Variants in MTOR observed in about 807,000 individuals in gnomAD.
MTOR encodes mechanistic target of rapamycin kinase.
In MTOR, 70 loss-of-function variants were observed where a neutral mutation model predicts 319.8. That is an observed-to-expected ratio of 0.22 (90% CI 0.18 to 0.27). The LOEUF (loss-of-function observed/expected upper bound fraction) is 0.27, where lower values mean the gene tolerates loss of function less well. Ranked by LOEUF, MTOR falls within the 10% of genes least tolerant of loss-of-function variation. The probability of loss-of-function intolerance (pLI) is 1.00; values close to 1 mark genes in which losing one functional copy is unlikely to be tolerated. For synonymous variants in MTOR, 1,183 were observed against 1,211.4 expected (o/e 0.98, Z 0.49); for missense variants, 1,890 against 3,274.4 (o/e 0.58, Z 10.32).
intron 47 of MTOR, among the ~76,000 whole-genome samples, chr1:11,122,349 G>A (rs1228466547): frequency 1.3e-5 from 2 of 151,506 alleles, no homozygotes; most frequent in South Asian, 2.1e-4. Context: ...GACTACAGGC[G>A]TGTGCCACCA....
intron 8 of MTOR, among the ~76,000 whole-genome samples, chr1:11,246,516 G>A (rs899810223): frequency 1.3e-5 from 2 of 152,190 alleles, no homozygotes; most frequent in African/African-American, 2.4e-5. Flanking sequence ...TTTATGTGGC[G>A]AATTGTCATG....
At chr1:11,138,287 C>T (rs1489442978) in intron 36 of MTOR, among the ~76,000 whole-genome samples, 1 of 152,090 alleles carries the variant, frequency 6.6e-6, no homozygotes, top group African/African-American at 2.4e-5. Context: ...CTGGGAGGCT[C>T]ACAGAGACTG....
In MTOR at chr1:11,107,199, G is replaced by C. The variant is rs971363748; in HGVS notation, c.*286C>G. On this transcript the variant is annotated 3_prime_UTR_variant, in exon 58 of 58. Coordinates refer to ENST00000361445, the MANE Select transcript of MTOR (RefSeq NM_004958.4). ...TTAAGTCAAAACCCGTATTTCTAAA[G>C]TTATGGATCTTCTGTTCCCCAAAAT... The C allele has an allele frequency of 7.2e-6, 10 of 1,393,014 alleles. No individual in the cohort carries two copies. Among genetic ancestry groups the C allele is most frequent in the Non-Finnish European group, 7.5e-6 (8 of 1,061,290 alleles). The allele number at this position is 1,393,014 out of a possible 1,614,324, so 86.3% of individuals were successfully genotyped here.
rs185645126 is a variant in MTOR at position 11,157,980 on chromosome 1, G to C, written c.4330-689C>G. Among the ~76,000 whole-genome samples the C allele has an allele frequency of 2.1e-3, 325 of 152,294 alleles. 1 individual carries two copies. The highest frequency in any genetic ancestry group is 7.6e-3 in the African/African-American group (315 of 41,574). ...CTTGGCAGGTTTACCAGTGTCAGGG[G>C]CCAAAGGAGGGATTGCATTACCCTA... On this transcript the variant is annotated intron_variant, in intron 29 of 57. Coordinates refer to ENST00000361445, the MANE Select transcript of MTOR (RefSeq NM_004958.4).
At chr1:11,254,491 T>C (rs1650104575) in intron 5 of MTOR, among the ~76,000 whole-genome samples, 1 of 152,166 alleles carries the variant, frequency 6.6e-6, no homozygotes, top group Non-Finnish European at 1.5e-5. Context: ...TCATCATCCC[T>C]ATTTAACAGC....
At chr1:11,191,986 T>C (rs1382544976) in intron 28 of MTOR, among the ~76,000 whole-genome samples, 2 of 152,202 alleles carry the variant, frequency 1.3e-5, no homozygotes, top group East Asian at 3.9e-4. Flanking sequence ...GGCCCAGCTA[T>C]AGCAGAATAA....
At chr1:11,217,056 T>C (rs1464574499) in intron 19 of MTOR, among the ~76,000 whole-genome samples, 3 of 152,194 alleles carry the variant, frequency 2.0e-5, no homozygotes, top group Non-Finnish European at 4.4e-5. Context: ...CAGCTAACTC[T>C]TGATTATGGG....
chr1:11,192,315 T>C, intron 28 of MTOR: 1 of 1,614,052 alleles, frequency 6.2e-7, no homozygotes, highest in Non-Finnish European at 8.5e-7. Context: ...AACTACCGCA[T>C]CTCTGGAGTG....
chr1:11,188,690 G>A (rs1446482628), intron 28 of MTOR, among the ~76,000 whole-genome samples: 2 of 152,162 alleles, frequency 1.3e-5, no homozygotes, highest in African/African-American at 2.4e-5. Context: ...TGTTGAAGGA[G>A]AAAGCATGTA....
Position 11,233,386 on chromosome 1 carries a change from C to T in MTOR, c.2421+12G>A, listed in dbSNP as rs1229308217. ...CCTATCTCCGCTATGGAAAAAGTAG[C>T]TGCCCCTTTACCTGTGCCAATTCTC... On this transcript the variant is annotated intron_variant, in intron 15 of 57. Coordinates refer to ENST00000361445, the MANE Select transcript of MTOR (RefSeq NM_004958.4). 8 of 1,611,642 alleles carry T rather than the reference C, an allele frequency of 5.0e-6. No homozygotes were observed. In the South Asian group the frequency reaches 6.6e-5, roughly 13 times the overall value.
intron 5 of MTOR, among the ~76,000 whole-genome samples, chr1:11,255,089 GAAGGTACA>G (rs1650189343): frequency 6.6e-6 from 1 of 152,132 alleles, no homozygotes; most frequent in South Asian, 2.1e-4. Context: ...TTAATAAGAA[GAAGGTACA>G]AAGTTGGCCG....
intron 13 of MTOR, among the ~76,000 whole-genome samples, chr1:11,236,876 C>G (rs1252347451): frequency 1.3e-5 from 2 of 152,128 alleles, no homozygotes; most frequent in African/African-American, 4.8e-5. Flanking sequence ...ATGGCAGGCA[C>G]TTCTAACGCA....
rs7524202 is a variant in MTOR at position 11,237,705 on chromosome 1, T to C, written c.2208+138A>G. ...ATAAAGCCAGGGAAACATTTGGACC[T>C]TTGCAGACAAATGCGGCTTTTACCA... On this transcript the variant is annotated intron_variant, in intron 13 of 57. Coordinates refer to ENST00000361445, the MANE Select transcript of MTOR (RefSeq NM_004958.4). 632,525 of 871,004 alleles carry C rather than the reference T, an allele frequency of 0.73. 234,729 individuals carry two copies. The highest frequency in any genetic ancestry group is 0.9 in the East Asian group (33,954 of 37,742). 54.0% of individuals were successfully genotyped at this position (871,004 alleles called of 1,614,324 possible).
At chr1:11,238,186 C>A (rs1371227645) in intron 12 of MTOR, 138 bp from the exon 13 acceptor site, 21 of 955,484 alleles carry the variant, frequency 2.2e-5, no homozygotes, top group Non-Finnish European at 1.6e-6. Flanking sequence ...TCATTCTTTT[C>A]TCTACTCACA....
At position 11,242,270 on chromosome 1, in the gene MTOR, G is replaced by A. The variant is rs531576365; in HGVS notation, c.1413-589C>T. Among the ~76,000 whole-genome samples, 30 of 152,196 alleles carry A rather than the reference G, an allele frequency of 2.0e-4. 1 individual carries two copies. The highest frequency in any genetic ancestry group is 5.5e-4 in the African/African-American group (23 of 41,556). On this transcript the variant is annotated intron_variant, in intron 9 of 57. Transcript: ENST00000361445. ...TCCCAGCTACTTGGGAGGCTAAGGT[G>A]GGTGGATCACTTGAGGCCAGGAGTT...
rs1189491177 is a variant in MTOR, at chr1:11,193,763, G to A, written c.4253+5495C>T. On this transcript the variant is annotated intron_variant, in intron 28 of 57. Coordinates refer to ENST00000361445, the MANE Select transcript of MTOR (RefSeq NM_004958.4). ...CTCCAGACAGCCAACCCGGCTGCGT[G>A]TAGAGATGGAGGTAAGCACAAGGCC... is the stretch of plus-strand genomic sequence containing the variant. 3.7e-6 allele frequency: 6 copies of A among 1,614,046 alleles called. No homozygotes were observed. In the East Asian group the frequency reaches 1.1e-4, roughly 30 times the overall value.
chr1:11,152,894 C>T (rs980375570), intron 30 of MTOR, among the ~76,000 whole-genome samples: 1 of 152,192 alleles, frequency 6.6e-6, no homozygotes, highest in Non-Finnish European at 1.5e-5. Flanking sequence ...CTTTTAGTCT[C>T]CCACATTCTT....
At chr1:11,233,574 C>A in intron 14 of MTOR, 87 bp from the exon 15 acceptor site, 1 of 984,500 alleles carries the variant, frequency 1.0e-6, no homozygotes, top group Non-Finnish European at 1.6e-6. Context: ...ACCCAAGAGA[C>A]CATCTCAGTC....
chr1:11,239,567 G>C (rs1041982396), intron 11 of MTOR, among the ~76,000 whole-genome samples: 2 of 149,536 alleles, frequency 1.3e-5, no homozygotes, highest in Admixed American at 6.6e-5. Flanking sequence ...GTATTATTAT[G>C]GGTTTATTTG....
Sources: allele counts gnomAD v4.1 joint callset (sites outside exome capture counted in the v4.1 genomes callset), GRCh38; gene constraint gnomAD v4.1.1; transcripts MANE v1.5; gene names NCBI Gene and HGNC (gene_info 2026-07-23, HGNC 2026-07-21).